The following HSD17B4 variants were observed in gnomAD, a reference collection of about 807,000 sequenced individuals.
HSD17B4 encodes the protein hydroxysteroid 17-beta dehydrogenase 4.
HSD17B4 carries 70 observed loss-of-function variants against 101.0 expected under a neutral mutation model. The ratio of observed to expected loss-of-function variants is 0.69; its 90% confidence interval spans 0.57 to 0.85. The LOEUF (loss-of-function observed/expected upper bound fraction) is 0.85. HSD17B4 is among the 40% of genes least tolerant of loss of function. HSD17B4 has a pLI of 0.00. For missense variants in HSD17B4, 984 were observed against 892.4 expected, an observed-to-expected ratio of 1.10 and a Z score of -1.31; for synonymous variants, 347 against 297.1, an observed-to-expected ratio of 1.17 and a Z score of -1.73.
chr5:119,474,452 G>A lies in HSD17B4; in HGVS notation c.272G>A (p.Gly91Glu), dbSNP rs140143128. 1.8e-5 allele frequency: 28 copies of A among 1,598,128 alleles called. No individual in the cohort carries two copies. Among genetic ancestry groups the A allele is most frequent in the Non-Finnish European group, 2.3e-5 (27 of 1,165,626 alleles). The stretch of plus-strand genomic sequence containing the variant: ...GTGAAGACAGCCCTGGATGCTTTTG[G>A]AAGAATAGGTGATGTTTCTTTGTGT... ...KVVKTALDAF[G>E]RIDVVVNNAG... Residue 91 changes from glycine to glutamate, a missense_variant, in exon 4 of 24, where the codon GGA (glycine) becomes GAA (glutamate). By Grantham distance (98) the Gly-to-Glu change is moderately conservative. Coordinates refer to ENST00000510025, the MANE Select transcript of HSD17B4 (RefSeq NM_000414.4).
At chr5:119,474,483 C>A in intron 4 of HSD17B4, 23 bp downstream of exon 4, 3 of 1,498,394 alleles carry the variant, frequency 2.0e-6, no homozygotes, top group Non-Finnish European at 1.9e-6. Context: ...TGTGTTATGG[C>A]TCTTGTGGAG....
At chr5:119,455,314 C>G (rs976445155) in intron 1 of HSD17B4, among the ~76,000 whole-genome samples, 1 of 152,076 alleles carries the variant, frequency 6.6e-6, no homozygotes, top group Non-Finnish European at 1.5e-5. Context: ...GTCAAGAGAT[C>G]GAGACCATCC....
At chr5:119,474,321 G>A (rs1470965442) in intron 3 of HSD17B4, 80 bp from the exon 4 acceptor site, 13 of 853,124 alleles carry the variant, frequency 1.5e-5, no homozygotes, top group African/African-American at 6.6e-5. Context: ...AGTATTTGTC[G>A]TGTACTCTGA....
rs752715729 is a variant in HSD17B4, at chr5:119,509,177, A to G, written c.1370A>G (p.Asn457Ser). Residue 457 changes from asparagine (N) to serine (S), a missense_variant, in exon 16 of 24, where the codon AAT (asparagine) becomes AGT (serine). Transcript: ENST00000510025. ...SYSEKELICHNQFSLFLVGSG... is the reference protein window; with the variant it reads ...SYSEKELICHSQFSLFLVGSG... ...TCTGAGAAGGAACTTATATGCCACA[A>G]TCAGTTCTCTCTCTTTCTTGTTGGC... 12 of 1,606,260 alleles carry G rather than the reference A, an allele frequency of 7.5e-6. No homozygotes were observed. Among genetic ancestry groups the G allele is most frequent in the Middle Eastern group, 1.7e-4 (1 of 6,048 alleles).
intron 11 of HSD17B4, among the ~76,000 whole-genome samples, chr5:119,495,199 A>G (rs1162738223): frequency 6.6e-6 from 1 of 152,152 alleles, no homozygotes; most frequent in Non-Finnish European, 1.5e-5. Context: ...TATTCTATGA[A>G]TAACAGTCAC....
intron 2 of HSD17B4, chr5:119,472,594 C>G (rs149205152): frequency 0.021 from 3,164 of 152,264 alleles, 105 homozygotes; most frequent in African/African-American, 0.07. Flanking sequence ...TCATCACGCC[C>G]AGCTAATTTT....
chr5:119,527,938 C>T (rs892933451), intron 20 of HSD17B4, among the ~76,000 whole-genome samples: 2 of 152,066 alleles, frequency 1.3e-5, no homozygotes, highest in Non-Finnish European at 2.9e-5. Context: ...AAAGGACATG[C>T]AATCATTGTT....
In HSD17B4 at chr5:119,509,216, G is replaced by A; in HGVS notation, c.1409G>A (p.Gly470Asp). ...TTTCTTGTTGGCTCTGGAGGCTTTGGTGGAAAACGGACATCAGACAAAGTC... is the reference window on the plus strand; with the variant it reads ...TTTCTTGTTGGCTCTGGAGGCTTTGATGGAAAACGGACATCAGACAAAGTC... ...SLFLVGSGGFGGKRTSDKVKV... is the reference protein window; with the variant it reads ...SLFLVGSGGFDGKRTSDKVKV... Residue 470 changes from glycine to aspartate, a missense_variant, in exon 16 of 24, where the codon GGT (glycine) becomes GAT (aspartate). Gly to Asp is a moderately conservative substitution (Grantham distance 94). Transcript: ENST00000510025. 2 of 1,607,806 alleles carry A rather than the reference G, an allele frequency of 1.2e-6. No individual in the cohort carries two copies. Among genetic ancestry groups the A allele is most frequent in the Non-Finnish European group, 1.7e-6 (2 of 1,174,314 alleles).
chr5:119,527,056 C>G, intron 19 of HSD17B4, 77 bp from the exon 20 acceptor site: 1 of 831,716 alleles, frequency 1.2e-6, no homozygotes, highest in South Asian at 1.4e-5. Context: ...TCTCTAGTTT[C>G]CTTTCCAATT....
At chr5:119,530,969 G>A (rs1754045241) in intron 21 of HSD17B4, among the ~76,000 whole-genome samples, 1 of 150,952 alleles carries the variant, frequency 6.6e-6, no homozygotes, top group Non-Finnish European at 1.5e-5. Context: ...GACCATAGAA[G>A]TTGATTAATT....
chr5:119,535,271 C>T (rs1451008106), intron 22 of HSD17B4, among the ~76,000 whole-genome samples: 1 of 151,956 alleles, frequency 6.6e-6, no homozygotes, highest in Non-Finnish European at 1.5e-5. Flanking sequence ...AGCTAATCTG[C>T]AGATCTTGTT....
At chr5:119,504,909 C>G (rs1751506916) in intron 14 of HSD17B4, among the ~76,000 whole-genome samples, 1 of 152,110 alleles carries the variant, frequency 6.6e-6, no homozygotes, top group Non-Finnish European at 1.5e-5. Context: ...TTTAATCCAT[C>G]TTGAGTTAAT....
rs773590308 is a variant in HSD17B4 at position 119,527,136 on chromosome 5, C to T, written c.1684C>T (p.Arg562Cys). Residue 562 changes from arginine to cysteine, a missense_variant, in exon 20 of 24, where the codon CGT becomes TGT. Arg to Cys is a radical substitution (Grantham distance 180). Transcript: ENST00000510025. The part of the protein sequence containing the change: ...DVSRFKAIKA[R>C]FAKPVYPGQT... ...ACCCCACAATTCTTTTTTAAAGGCT[C>T]GTTTTGCAAAACCAGTATATCCAGG... 17 of 1,583,158 alleles carry T rather than the reference C, an allele frequency of 1.1e-5. No homozygotes were observed. The highest frequency in any genetic ancestry group is 4.4e-5 in the South Asian group (4 of 90,366).
intron 4 of HSD17B4, 147 bp downstream of exon 4, chr5:119,474,607 TATTTC>T (rs1748398285): frequency 7.3e-6 from 5 of 684,576 alleles, no homozygotes; most frequent in Non-Finnish European, 1.3e-5. Flanking sequence ...TTATTGTACT[TATTTC>T]ATAAAGGGTT....
Position 119,475,887 on chromosome 5 carries a change from A to G in HSD17B4, c.349+17A>G. ...AAGACTGGGGTAAGTTGTTTTTAGTATTTCTCTGGGGAACATACTTATCCA... is the reference window on the plus strand; with the variant it reads ...AAGACTGGGGTAAGTTGTTTTTAGTGTTTCTCTGGGGAACATACTTATCCA... On this transcript the variant is annotated intron_variant, in intron 6 of 23. Transcript: ENST00000510025. The G allele has an allele frequency of 1.9e-6, 3 of 1,554,108 alleles. No individual in the cohort carries two copies. Among genetic ancestry groups the G allele is most frequent in the South Asian group, 1.1e-5 (1 of 89,972 alleles).
At chr5:119,459,113 C>T (rs1392834309) in intron 2 of HSD17B4, among the ~76,000 whole-genome samples, 4 of 152,228 alleles carry the variant, frequency 2.6e-5, no homozygotes, top group Non-Finnish European at 5.9e-5. Flanking sequence ...TGAGTCTTAA[C>T]TTCCTGTGGC....
At chr5:119,494,329 C>CTTTCTTTCT (rs1467907001) in intron 11 of HSD17B4, among the ~76,000 whole-genome samples, 7 of 75,298 alleles carry the variant, frequency 9.3e-5, no homozygotes, top group African/African-American at 3.4e-4. Context: ...TCTTTCTTTT[C>CTTTCTTTCT]TTTCTTTCTT....
chr5:119,491,421 G>A (rs1750092239), intron 9 of HSD17B4, among the ~76,000 whole-genome samples: 1 of 148,610 alleles, frequency 6.7e-6, no homozygotes, highest in Admixed American at 6.7e-5. Context: ...TGTGGTGTTT[G>A]AAGTGACAAA....
intron 2 of HSD17B4, among the ~76,000 whole-genome samples, chr5:119,458,168 A>G (rs1238619948): frequency 1.3e-5 from 2 of 152,216 alleles, no homozygotes; most frequent in African/African-American, 4.8e-5. Flanking sequence ...AATATTTCAT[A>G]AACTTGAATG....
Sources: allele counts gnomAD v4.1 joint callset (sites outside exome capture counted in the v4.1 genomes callset), GRCh38; gene constraint gnomAD v4.1.1; transcripts MANE v1.5; gene names NCBI Gene and HGNC (gene_info 2026-07-23, HGNC 2026-07-21).